The following EVI5 variants were observed in gnomAD, a reference collection of about 807,000 sequenced individuals.
EVI5 encodes ecotropic viral integration site 5, also known as ecotropic viral integration site 5 protein homolog.
EVI5 carries 73 observed loss-of-function variants against 112.0 expected under a neutral mutation model. The observed-to-expected ratio is 0.65, with a 90% CI of 0.54 to 0.79. The LOEUF is 0.79. Among genes scored for constraint, EVI5 ranks in the 30% least tolerant of loss-of-function variants. The pLI is 0.00. For synonymous variants in EVI5, 305 were observed against 319.9 expected (o/e 0.95, Z 0.50); for missense variants, 900 against 968.8 (o/e 0.93, Z 0.94).
intron 9 of EVI5, among the ~76,000 whole-genome samples, chr1:92,692,458 G>A (rs1181356589): frequency 1.3e-5 from 2 of 152,196 alleles, no homozygotes; most frequent in African/African-American, 2.4e-5. Flanking sequence ...TATTTAAAAC[G>A]TATCAACATG....
At chr1:92,675,571 T>C (rs1043402232) in intron 10 of EVI5, among the ~76,000 whole-genome samples, 1 of 152,108 alleles carries the variant, frequency 6.6e-6, no homozygotes, top group Admixed American at 6.5e-5. Context: ...CGAATATTCG[T>C]AGTATGTGAA....
chr1:92,700,847 A>T (rs1326837447), intron 5 of EVI5: 1 of 152,242 alleles, frequency 6.6e-6, no homozygotes, highest in Non-Finnish European at 1.5e-5. Flanking sequence ...ACCAATACTA[A>T]ATAAAGTAGG....
chr1:92,657,677 A>C (rs374054293), intron 13 of EVI5, among the ~76,000 whole-genome samples: 70 of 152,088 alleles, frequency 4.6e-4, no homozygotes, highest in Admixed American at 1.6e-3. Context: ...AACAAACAAA[A>C]AAAAACTAAA....
At chr1:92,588,962 C>A (rs1011783902) in intron 18 of EVI5, among the ~76,000 whole-genome samples, 2 of 152,150 alleles carry the variant, frequency 1.3e-5, no homozygotes, top group African/African-American at 4.8e-5. Context: ...TGAACTTCAG[C>A]TGCACATGGT....
chr1:92,632,813 T>C (rs1657504644), intron 14 of EVI5, among the ~76,000 whole-genome samples: 1 of 152,200 alleles, frequency 6.6e-6, no homozygotes, highest in African/African-American at 2.4e-5. Context: ...GGGCATTTAG[T>C]GCCATAAATT....
chr1:92,690,514 T>G (rs1369810937), intron 9 of EVI5, among the ~76,000 whole-genome samples: 4 of 151,584 alleles, frequency 2.6e-5, no homozygotes, highest in African/African-American at 4.9e-5. Context: ...GGCTAATTTT[T>G]GGTCTTTTTT....
intron 16 of EVI5, among the ~76,000 whole-genome samples, chr1:92,611,652 T>C (rs192546128): frequency 1.9e-3 from 272 of 141,398 alleles, no homozygotes; most frequent in African/African-American, 6.8e-3. Flanking sequence ...TGAGCCAAGA[T>C]TGCGCCACTG....
chr1:92,619,746 T>TTC (rs1322650895), intron 16 of EVI5, among the ~76,000 whole-genome samples: 1 of 151,594 alleles, frequency 6.6e-6, no homozygotes, highest in Non-Finnish European at 1.5e-5. Context: ...GTGAGACCTT[T>TTC]TCTCTTTGAA....
chr1:92,520,900 G>C (rs1213082852), intron 19 of EVI5, among the ~76,000 whole-genome samples: 2 of 149,620 alleles, frequency 1.3e-5, no homozygotes, highest in Non-Finnish European at 3.0e-5. Context: ...CCTGCAAAAA[G>C]CAAGTATGAG....
intron 1 of EVI5, among the ~76,000 whole-genome samples, chr1:92,738,536 A>G (rs1212135977): frequency 1.3e-5 from 2 of 152,190 alleles, no homozygotes; most frequent in Non-Finnish European, 2.9e-5. Context: ...TTGCTTTATT[A>G]AAAGAAATTT....
intron 3 of EVI5, chr1:92,704,057 CACA>C (rs1570464141): frequency 6.4e-6 from 1 of 156,594 alleles, no homozygotes; most frequent in Middle Eastern, 3.0e-3. Context: ...TGTAGTAGCT[CACA>C]ACACTTGGAG....
At chr1:92,728,723 C>T (rs1467993424) in intron 2 of EVI5, among the ~76,000 whole-genome samples, 2 of 152,118 alleles carry the variant, frequency 1.3e-5, no homozygotes, top group Non-Finnish European at 2.9e-5. Context: ...CAACTGTAGT[C>T]CAAAAATATT....
At chr1:92,759,711 T>C (rs929570462) in intron 1 of EVI5, among the ~76,000 whole-genome samples, 8 of 152,202 alleles carry the variant, frequency 5.3e-5, no homozygotes, top group East Asian at 1.9e-4. Flanking sequence ...ATCATACTTA[T>C]ATCATTATAT....
intron 19 of EVI5, among the ~76,000 whole-genome samples, chr1:92,548,030 C>T (rs1382976376): frequency 6.6e-6 from 1 of 152,146 alleles, no homozygotes; most frequent in African/African-American, 2.4e-5. Context: ...CAAAGCCTGG[C>T]AGAGACACAA....
chr1:92,604,978 G>C (rs1650037435), intron 18 of EVI5, among the ~76,000 whole-genome samples: 1 of 152,192 alleles, frequency 6.6e-6, no homozygotes, highest in African/African-American at 2.4e-5. Context: ...TAGAATGGTG[G>C]TTTCCAGTTG....
chr1:92,525,128 C>T (rs981920256), intron 19 of EVI5, among the ~76,000 whole-genome samples: 2 of 151,790 alleles, frequency 1.3e-5, no homozygotes, highest in Admixed American at 1.3e-4. Context: ...GGCGCCCAGC[C>T]AGATTAAGTA....
At chr1:92,742,396 G>C (rs539832630) in intron 1 of EVI5, among the ~76,000 whole-genome samples, 49 of 152,154 alleles carry the variant, frequency 3.2e-4, no homozygotes, top group African/African-American at 1.2e-3. Context: ...AAATCAGCCA[G>C]GCATGGTAGC....
At chr1:92,709,318 T>A (rs1273422074) in intron 2 of EVI5, among the ~76,000 whole-genome samples, 1 of 152,178 alleles carries the variant, frequency 6.6e-6, no homozygotes, top group African/African-American at 2.4e-5. Flanking sequence ...ACTTAAGAAC[T>A]ACACATTTCT....
At chr1:92,549,855 G>C (rs1033209238) in intron 19 of EVI5, among the ~76,000 whole-genome samples, 6 of 152,220 alleles carry the variant, frequency 3.9e-5, no homozygotes, top group Non-Finnish European at 7.3e-5. Flanking sequence ...AACAACAGGT[G>C]CTGGAGAGGA....
Sources: allele counts gnomAD v4.1 joint callset (sites outside exome capture counted in the v4.1 genomes callset), GRCh38; gene constraint gnomAD v4.1.1; transcripts MANE v1.5; gene names NCBI Gene and HGNC (gene_info 2026-07-23, HGNC 2026-07-21).